Variants in PRAMEF14 observed in about 807,000 individuals in gnomAD.
PRAMEF14 encodes the protein PRAME family member 14.
A neutral mutation model predicts 38.3 loss-of-function variants in PRAMEF14; 24 were observed. The ratio of observed to expected loss-of-function variants is 0.63; its 90% confidence interval spans 0.45 to 0.88. The LOEUF (loss-of-function observed/expected upper bound fraction) is 0.88, where lower values mean the gene tolerates loss of function less well. Among genes scored for constraint, PRAMEF14 ranks in the 40% least tolerant of loss-of-function variants. PRAMEF14 has a pLI of 0.00. For missense variants in PRAMEF14, 477 were observed against 570.8 expected (o/e 0.84, Z 1.67); for synonymous variants, 194 against 226.4 (o/e 0.86, Z 1.29).
In PRAMEF14 at chr1:13,344,265, G is replaced by T. The variant is rs1640371359; in HGVS notation, c.639C>A (p.Arg213=). ...YLNSIQQLEI[R]NMSWPRLIRK... is the part of the protein sequence containing the mutation. ...TTATCAGACGTGGCCAGGACATGTT[G>T]CGAATTTCCAGCTGTTGAATACTAT... is the stretch of plus-strand genomic sequence containing the variant. Residue 213 remains arginine, a synonymous_variant, in exon 3 of 4, where the codon CGC becomes CGA. Coordinates refer to ENST00000334600, the MANE Select transcript of PRAMEF14 (RefSeq NM_001024661.2). 1 of 1,605,936 alleles carries T rather than the reference G, an allele frequency of 6.2e-7. No homozygotes were observed. Among genetic ancestry groups the T allele is most frequent in the African/African-American group, 1.3e-5 (1 of 74,726 alleles).
At chr1:13,346,526 A>T (rs1260402946) in intron 1 of PRAMEF14, among the ~76,000 whole-genome samples, 2 of 149,794 alleles carry the variant, frequency 1.3e-5, no homozygotes, top group African/African-American at 4.9e-5. Flanking sequence ...TAAAAGTGCT[A>T]CCATGCTATT....
rs1640365303 is a variant in PRAMEF14 at position 13,343,879 on chromosome 1, G to A, written c.866+159C>T. ...GAGCGTTCCTGTGATAGCCACTCCAGGACATGGAACACTGAATGGGACAAT... is the reference window on the plus strand; with the variant it reads ...GAGCGTTCCTGTGATAGCCACTCCAAGACATGGAACACTGAATGGGACAAT... On this transcript the variant is annotated intron_variant, in intron 3 of 3. Coordinates refer to ENST00000334600, the MANE Select transcript of PRAMEF14 (RefSeq NM_001024661.2). The A allele has an allele frequency of 2.0e-6, 3 of 1,509,338 alleles. 1 individual carries two copies. The allele number at this position is 1,509,338 out of a possible 1,614,324, so 93.5% of individuals were successfully genotyped here. A position where few individuals can be genotyped will look rare whatever the true frequency, so the allele number is the denominator to read the frequency against.
At chr1:13,345,373 T>C in intron 1 of PRAMEF14, 34 bp from the exon 2 acceptor site, 2 of 1,583,320 alleles carry the variant, frequency 1.3e-6, no homozygotes, top group Non-Finnish European at 1.7e-6. Context: ...TGTATCACTC[T>C]CATGGCAAAC....
In PRAMEF14 at chr1:13,342,271, C is replaced by G. The variant is rs1640338263; in HGVS notation, c.*257G>C. The stretch of plus-strand genomic sequence containing the variant: ...CTTTAAGTTGCATGTGGCCTGGACA[C>G]AGTCACTCATGCCAGTAATCCCAGC... On this transcript the variant is annotated 3_prime_UTR_variant, in exon 4 of 4. Transcript: ENST00000334600. 5 of 608,224 alleles carry G rather than the reference C, an allele frequency of 8.2e-6. No individual in the cohort carries two copies. Among genetic ancestry groups the G allele is most frequent in the Non-Finnish European group, 1.3e-5 (5 of 370,634 alleles). 37.7% of individuals were successfully genotyped at this position (608,224 alleles called of 1,614,324 possible).
intron 1 of PRAMEF14, among the ~76,000 whole-genome samples, chr1:13,345,774 C>A (rs1169292656): frequency 2.6e-5 from 4 of 151,844 alleles, no homozygotes; most frequent in Non-Finnish European, 4.4e-5. Flanking sequence ...GACACCAAGG[C>A]AGGCAGATCA....
rs1640387091 is a variant in PRAMEF14, at chr1:13,345,285, C to T, written c.30G>A (p.Leu10=). The T allele has an allele frequency of 1.2e-6, 2 of 1,607,354 alleles. No individual in the cohort carries two copies. Among genetic ancestry groups the T allele is most frequent in the African/African-American group, 2.7e-5 (2 of 74,686 alleles). ...TCAGCAGGCTCTGCCCTGCCAGCTCCAGGAGTCTGGGTGGGGCCTGGATGC... is the reference window on the plus strand; with the variant it reads ...TCAGCAGGCTCTGCCCTGCCAGCTCTAGGAGTCTGGGTGGGGCCTGGATGC... MSIQAPPRL[L]ELAGQSLLRD... Residue 10 remains leucine (L), a synonymous_variant, in exon 2 of 4, where the codon CTG becomes CTA. Transcript: ENST00000334600.
chr1:13,345,409 A>G, intron 1 of PRAMEF14, 70 bp from the exon 2 acceptor site: 5 of 1,422,768 alleles, frequency 3.5e-6, no homozygotes, highest in Admixed American at 4.5e-5. Context: ...TACTGGTACC[A>G]GGAAGAATGT....
intron 3 of PRAMEF14, chr1:13,343,791 A>G (rs1260322983): frequency 1.2e-5 from 17 of 1,446,820 alleles, no homozygotes; most frequent in Middle Eastern, 2.5e-4. Flanking sequence ...AACCCCCACT[A>G]ACTAGCTTGT....
chr1:13,343,443 A>G, intron 3 of PRAMEF14: 1 of 552,612 alleles, frequency 1.8e-6, no homozygotes, highest in Non-Finnish European at 3.2e-6. Flanking sequence ...AGCTAGGGCT[A>G]CATGTCGGCA....
intron 3 of PRAMEF14, chr1:13,343,773 A>G (rs1384335487): frequency 7.0e-7 from 1 of 1,420,332 alleles, no homozygotes; most frequent in Non-Finnish European, 9.3e-7. Flanking sequence ...CACCCCCAAT[A>G]GAGCTGAAAC....
intron 1 of PRAMEF14, among the ~76,000 whole-genome samples, chr1:13,345,737 C>T (rs1293232965): frequency 2.0e-5 from 3 of 151,708 alleles, no homozygotes; most frequent in African/African-American, 7.2e-5. Flanking sequence ...GGTGCTGTGG[C>T]TCATGTCTGT....
rs1640378181 is a variant in PRAMEF14 at position 13,344,617 on chromosome 1, C to A, written c.288-1G>T. ...ATCCAGCACTTGAAGTTTCCACCTC[C>A]TGTGGGTAAAGTAAGGGAGAGACTC... On this transcript the variant is annotated splice_acceptor_variant, in intron 2 of 3. Transcript: ENST00000334600. LOFTEE classifies it high-confidence loss of function. 9 of 1,604,276 alleles carry A rather than the reference C, an allele frequency of 5.6e-6. 1 individual carries two copies. The highest frequency in any genetic ancestry group is 7.6e-6 in the Non-Finnish European group (9 of 1,176,976).
chr1:13,343,133 G>T, intron 3 of PRAMEF14, 47 bp from the exon 4 acceptor site: 2 of 1,551,862 alleles, frequency 1.3e-6, no homozygotes, highest in Non-Finnish European at 1.8e-6. Context: ...CCAGTTAGAT[G>T]AAGGTAGTGC....
Position 13,342,494 on chromosome 1 carries a change from T to G in PRAMEF14, c.*34A>C, listed in dbSNP as rs544031987. 58 of 1,604,118 alleles carry G rather than the reference T, an allele frequency of 3.6e-5. 1 individual carries two copies. In the Admixed American group the frequency reaches 6.7e-4, roughly 18 times the overall value. ...AGTGTCCCAGTGCCTGGAAGAGAAC[T>G]TTGGATTTCTCTACCCCGCTAGGCA... On this transcript the variant is annotated 3_prime_UTR_variant, in exon 4 of 4. Transcript: ENST00000334600.
rs1274567340 is a variant in PRAMEF14, at chr1:13,345,389, C to T, written c.-25-50G>A. The T allele has an allele frequency of 3.3e-5, 50 of 1,517,754 alleles. 1 individual carries two copies. The highest frequency in any genetic ancestry group is 8.9e-7 in the Non-Finnish European group (1 of 1,122,212). 94.0% of individuals were successfully genotyped at this position (1,517,754 alleles called of 1,614,324 possible). A position where few individuals can be genotyped will look rare whatever the true frequency, so the allele number is the denominator to read the frequency against. ...GTATCACTCTCATGGCAAACACAAT[C>T]ATCTGCTTCTACTGGTACCAGGAAG... On this transcript the variant is annotated intron_variant, in intron 1 of 3. Coordinates refer to ENST00000334600, the MANE Select transcript of PRAMEF14 (RefSeq NM_001024661.2).
In PRAMEF14 at chr1:13,342,652, C is replaced by G. The variant is rs755577517; in HGVS notation, c.1301G>C (p.Arg434Pro). The change falls in exon 4 of 4, where the codon CGG becomes CCG. Residue 434 changes from arginine to proline, a missense_variant. Physicochemically the swap from Arg to Pro is moderately radical, Grantham distance 103. Transcript: ENST00000334600. The part of the protein sequence containing the change: ...RVDWEIFALL[R>P]AELMCTLREV... The stretch of plus-strand genomic sequence containing the variant: ...CCTCAGTGTACACATCAGCTCAGCC[C>G]GAAGTAGGGCGAAGATCTCCCAATC... The G allele has an allele frequency of 1.2e-6, 2 of 1,605,040 alleles. No homozygotes were observed.
rs1640339692 is a variant in PRAMEF14 at position 13,342,390 on chromosome 1, T to G, written c.*138A>C. The G allele has an allele frequency of 7.4e-7, 1 of 1,354,186 alleles. No homozygotes were observed. The highest frequency in any genetic ancestry group is 2.9e-5 in the Admixed American group (1 of 34,852). The allele number at this position is 1,354,186 out of a possible 1,614,324, so 83.9% of individuals were successfully genotyped here. A position where few individuals can be genotyped will look rare whatever the true frequency, so the allele number is the denominator to read the frequency against. ...GAGAAACCCTGTCTCAAATTGTCTTTAATAAAAATTTTGGAATTATTAAAA... is the reference window on the plus strand; with the variant it reads ...GAGAAACCCTGTCTCAAATTGTCTTGAATAAAAATTTTGGAATTATTAAAA... On this transcript the variant is annotated 3_prime_UTR_variant, in exon 4 of 4. Transcript: ENST00000334600.
intron 1 of PRAMEF14, among the ~76,000 whole-genome samples, chr1:13,346,184 A>G (rs1487004755): frequency 2.0e-5 from 3 of 150,812 alleles, no homozygotes; most frequent in African/African-American, 7.3e-5. Context: ...GTGTGATGGT[A>G]TTCCACAGCA....
chr1:13,346,845 G>C (rs1374717613), intron 1 of PRAMEF14, among the ~76,000 whole-genome samples: 1 of 150,248 alleles, frequency 6.7e-6, no homozygotes, highest in African/African-American at 2.4e-5. Context: ...AACCTGCTTC[G>C]ATAAGAATTT....
Sources: gnomAD v4.1 joint callset for allele counts (sites outside exome capture counted in the v4.1 genomes callset) on GRCh38, gnomAD v4.1.1 for gene constraint, MANE v1.5 for transcripts, NCBI Gene and HGNC (gene_info 2026-07-23, HGNC 2026-07-21) for gene names.